Variants in PALS1 observed in about 807,000 individuals in gnomAD.
The protein encoded by PALS1 is protein PALS1.
A neutral mutation model predicts 78.9 loss-of-function variants in PALS1; 31 were observed. The observed-to-expected ratio is 0.39, with a 90% CI of 0.30 to 0.53. The LOEUF is 0.53. Among genes scored for constraint, PALS1 ranks in the 20% least tolerant of loss-of-function variants. PALS1 has a pLI of 0.67. For missense variants in PALS1, 704 were observed against 826.5 expected, an observed-to-expected ratio of 0.85 and a Z score of 1.82; for synonymous variants, 276 against 270.9, an observed-to-expected ratio of 1.02 and a Z score of -0.18.
In PALS1 at chr14:67,279,066, G is replaced by T; in HGVS notation, c.-105G>T. The T allele has an allele frequency of 2.1e-6, 2 of 934,162 alleles. No individual in the cohort carries two copies. Among genetic ancestry groups the T allele is most frequent in the Non-Finnish European group, 2.9e-6 (2 of 684,844 alleles). The allele number at this position is 934,162 out of a possible 1,614,324, so 57.9% of individuals were successfully genotyped here. On this transcript the variant is annotated 5_prime_UTR_variant, in exon 3 of 15. Transcript: ENST00000261681. ...ATAGCATTATTATGTGATGTGAGAA[G>T]TTTTTTTTTTTGAAGTAACATGGAT...
chr14:67,294,025 TA>T (rs1323632875), intron 4 of PALS1, among the ~76,000 whole-genome samples: 1 of 152,116 alleles, frequency 6.6e-6, no homozygotes, highest in Non-Finnish European at 1.5e-5. Context: ...AGCAAAGAAC[TA>T]AAGTGGCTTA....
At chr14:67,332,245 C>A (rs986586622) in intron 14 of PALS1, among the ~76,000 whole-genome samples, 1 of 152,112 alleles carries the variant, frequency 6.6e-6, no homozygotes, top group South Asian at 2.1e-4. Context: ...ATGGCCCTTT[C>A]CTTCAGTCAG....
chr14:67,246,451 C>T (rs1022742498), intron 1 of PALS1, among the ~76,000 whole-genome samples: 2 of 152,012 alleles, frequency 1.3e-5, no homozygotes, highest in Non-Finnish European at 2.9e-5. Context: ...CTCAAGCCAT[C>T]CTCCCACTTT....
intron 8 of PALS1, among the ~76,000 whole-genome samples, chr14:67,307,839 C>T (rs1595603725): frequency 6.6e-6 from 1 of 151,998 alleles, no homozygotes; most frequent in Non-Finnish European, 1.5e-5. Flanking sequence ...CCTAAATGCC[C>T]ATCGATGATA....
At chr14:67,316,185 T>C (rs992398032) in intron 9 of PALS1, among the ~76,000 whole-genome samples, 9 of 152,172 alleles carry the variant, frequency 5.9e-5, no homozygotes, top group Admixed American at 5.2e-4. Context: ...ACATATTTGA[T>C]TTAAAGTAGA....
intron 1 of PALS1, among the ~76,000 whole-genome samples, chr14:67,263,431 T>G (rs1227054428): frequency 6.6e-6 from 1 of 152,232 alleles, no homozygotes; most frequent in Non-Finnish European, 1.5e-5. Flanking sequence ...AATATGCAAA[T>G]GTACTTCATA....
intron 3 of PALS1, among the ~76,000 whole-genome samples, chr14:67,282,691 T>G (rs2140716177): frequency 6.6e-6 from 1 of 151,364 alleles, no homozygotes; most frequent in South Asian, 2.1e-4. Flanking sequence ...TTATAAATGG[T>G]AAAAAATTTG....
chr14:67,323,235 G>GTGTA (rs1566580120), intron 13 of PALS1, among the ~76,000 whole-genome samples: 8 of 17,004 alleles, frequency 4.7e-4, no homozygotes, highest in African/African-American at 6.1e-4. Context: ...ATATACACGT[G>GTGTA]TGTGTGTGTG....
intron 1 of PALS1, among the ~76,000 whole-genome samples, chr14:67,263,468 CTA>C (rs1567507534): frequency 9.8e-5 from 15 of 152,310 alleles, no homozygotes; most frequent in Admixed American, 7.8e-4. Flanking sequence ...AAGAGAATCT[CTA>C]TGAACAAGTG....
chr14:67,329,985 A>G (rs983243496), intron 14 of PALS1, among the ~76,000 whole-genome samples: 9 of 151,324 alleles, frequency 5.9e-5, no homozygotes, highest in Non-Finnish European at 1.2e-4. Context: ...TTGTGAAAGA[A>G]TGGTATTGGC....
chr14:67,255,256 C>T (rs2084128900), intron 1 of PALS1, among the ~76,000 whole-genome samples: 2 of 152,246 alleles, frequency 1.3e-5, no homozygotes, highest in Middle Eastern at 6.8e-3. Context: ...AGAAAATCTG[C>T]ATGGAGTACA....
chr14:67,328,191 G>C (rs1162682882), intron 14 of PALS1, among the ~76,000 whole-genome samples: 1 of 152,146 alleles, frequency 6.6e-6, no homozygotes, highest in Non-Finnish European at 1.5e-5. Flanking sequence ...GTGTGAGATG[G>C]TATCTCATTG....
intron 1 of PALS1, among the ~76,000 whole-genome samples, chr14:67,256,534 A>G (rs2084147660): frequency 6.6e-6 from 1 of 152,156 alleles, no homozygotes; most frequent in Non-Finnish European, 1.5e-5. Flanking sequence ...GAGATACTTT[A>G]TATCCTTTTT....
rs574184034 is a variant in PALS1 at position 67,317,312 on chromosome 14, A to C, written c.1298-96A>C. The C allele has an allele frequency of 4.4e-6, 5 of 1,129,398 alleles. No homozygotes were observed. In the Admixed American group the frequency reaches 1.2e-4, roughly 28 times the overall value. 70.0% of individuals were successfully genotyped at this position (1,129,398 alleles called of 1,614,324 possible). Reference sequence around the variant, plus strand: ...ATCTCGTTTCTGCAAAAAAATTTAAAGAATAAATGAATGAATAAATAGAGT... The same window carrying C: ...ATCTCGTTTCTGCAAAAAAATTTAACGAATAAATGAATGAATAAATAGAGT... On this transcript the variant is annotated intron_variant, in intron 10 of 14. Transcript: ENST00000261681.
chr14:67,265,413 CTGGA>C (rs2084306921), intron 1 of PALS1, among the ~76,000 whole-genome samples: 1 of 151,886 alleles, frequency 6.6e-6, no homozygotes, highest in African/African-American at 2.4e-5. Context: ...CAAAAAGTAG[CTGGA>C]TGGTGGCGTG....
Position 67,335,792 on chromosome 14 carries a change from A to AAAATT in PALS1, c.*2838_*2842dup, listed in dbSNP as rs1303352546. On this transcript the variant is annotated 3_prime_UTR_variant, in exon 15 of 15. Transcript: ENST00000261681. ...ACACTGTATTGTAAAAATAAAAAGT[A>AAAATT]AAATTATATTTCAAATTTTAAAAGC... 3 of 152,560 alleles carry AAAATT rather than the reference A, an allele frequency of 2.0e-5. No homozygotes were observed. The highest frequency in any genetic ancestry group is 4.8e-5 in the African/African-American group (2 of 41,378). 9.5% of individuals were successfully genotyped at this position (152,560 alleles called of 1,614,324 possible). A position where few individuals can be genotyped will look rare whatever the true frequency, so the allele number is the denominator to read the frequency against.
At chr14:67,332,610 G>C (rs1196458868) in intron 14 of PALS1, among the ~76,000 whole-genome samples, 170 bp from the exon 15 acceptor site, 1 of 152,176 alleles carries the variant, frequency 6.6e-6, no homozygotes, top group Non-Finnish European at 1.5e-5. Flanking sequence ...AGATGCCAAA[G>C]CAAAGGTAAC....
chr14:67,290,764 G>A (rs1210244080), intron 3 of PALS1, among the ~76,000 whole-genome samples: 1 of 152,000 alleles, frequency 6.6e-6, no homozygotes, highest in Non-Finnish European at 1.5e-5. Context: ...CCACCTCCTG[G>A]ACTCAAGCAG....
chr14:67,333,626 A>G lies in PALS1; in HGVS notation c.*670A>G, dbSNP rs2085482805. 1.3e-5 allele frequency: 2 copies of G among 152,756 alleles called. No homozygotes were observed. The highest frequency in any genetic ancestry group is 1.3e-4 in the Admixed American group (2 of 15,298). The allele number at this position is 152,756 out of a possible 1,614,324, so 9.5% of individuals were successfully genotyped here. ...CTTTGTGGATCAGACTCTACACTCAACACACTCTAATCTACTTAAAGGTAT... is the reference window on the plus strand; with the variant it reads ...CTTTGTGGATCAGACTCTACACTCAGCACACTCTAATCTACTTAAAGGTAT... On this transcript the variant is annotated 3_prime_UTR_variant, in exon 15 of 15. Coordinates refer to ENST00000261681, the MANE Select transcript of PALS1 (RefSeq NM_022474.4).
Sources: gnomAD v4.1 joint callset for allele counts (sites outside exome capture counted in the v4.1 genomes callset) on GRCh38, gnomAD v4.1.1 for gene constraint, MANE v1.5 for transcripts, NCBI Gene and HGNC (gene_info 2026-07-23, HGNC 2026-07-21) for gene names.